Variants in SYNE2 observed in about 807,000 individuals in gnomAD.
SYNE2 encodes the protein spectrin repeat containing nuclear envelope protein 2.
SYNE2 carries 431 observed loss-of-function variants against 856.3 expected under a neutral mutation model. The ratio of observed to expected loss-of-function variants is 0.50; its 90% CI spans 0.47 to 0.55. The LOEUF (loss-of-function observed/expected upper bound fraction) is 0.55, where lower values mean the gene tolerates loss of function less well. Ranked by LOEUF, SYNE2 falls within the 20% of genes least tolerant of loss-of-function variation. The pLI is 0.00. For missense variants in SYNE2, 8,129 were observed against 8,023.2 expected (o/e 1.01, Z -0.50); for synonymous variants, 2,923 against 2,872.3 (o/e 1.02, Z -0.56).
intron 1 of SYNE2, among the ~76,000 whole-genome samples, chr14:63,867,382 A>T (rs1895643772): frequency 4.8e-5 from 2 of 41,956 alleles, no homozygotes; most frequent in African/African-American, 1.0e-4. Context: ...TCCTCCTCTT[A>T]AAAAAAAAAA....
chr14:63,957,431 G>C (rs1427558561), intron 8 of SYNE2, among the ~76,000 whole-genome samples: 1 of 151,704 alleles, frequency 6.6e-6, no homozygotes, highest in African/African-American at 2.4e-5. Flanking sequence ...ACTGTGCCTG[G>C]CTAATTTTTG....
rs116067181 is a variant in SYNE2, at chr14:63,789,445, G to T, written c.-305+27459G>T. Among the ~76,000 whole-genome samples the T allele has an allele frequency of 5.0e-3, 759 of 152,120 alleles. 3 individuals carry two copies. Among genetic ancestry groups the T allele is most frequent in the African/African-American group, 0.018 (730 of 41,492 alleles). ...TTGTTTGCTTTTTCATTCTTTGCAC[G>T]CCTGAAAATATTCCCATTTCCCATC... On this transcript the variant is annotated intron_variant, in intron 1 of 23. Transcript: ENST00000674003.
chr14:63,766,499 C>G (rs1200046801), intron 1 of SYNE2, among the ~76,000 whole-genome samples: 4 of 152,186 alleles, frequency 2.6e-5, no homozygotes, highest in East Asian at 1.9e-4. Flanking sequence ...CTGGTGTCAC[C>G]TGGGGAGCAG....
chr14:64,061,071 A>G (rs2097313176), intron 49 of SYNE2, among the ~76,000 whole-genome samples: 1 of 152,196 alleles, frequency 6.6e-6, no homozygotes, highest in Non-Finnish European at 1.5e-5. Context: ...TTTCAGAGAT[A>G]TGAACTAAAA....
At chr14:64,220,327 G>A (rs1009192303) in intron 110 of SYNE2, 110 bp from the exon 111 acceptor site, 2 of 1,201,996 alleles carry the variant, frequency 1.7e-6, no homozygotes, top group African/African-American at 3.0e-5. Context: ...TCATTTCTGT[G>A]GCCGCAGCTT....
At chr14:63,866,650 T>C (rs1289106890) in intron 1 of SYNE2, among the ~76,000 whole-genome samples, 1 of 152,060 alleles carries the variant, frequency 6.6e-6, no homozygotes, top group Non-Finnish European at 1.5e-5. Context: ...AAATTGTAAG[T>C]TCTGTATTTG....
chr14:63,785,972 C>T lies in SYNE2; in HGVS notation c.-305+23986C>T, dbSNP rs529710684. Among the ~76,000 whole-genome samples, 20 of 152,122 alleles carry T rather than the reference C, an allele frequency of 1.3e-4. No individual in the cohort carries two copies. In the East Asian group the frequency reaches 3.5e-3, roughly 26 times the overall value. On this transcript the variant is annotated intron_variant, in intron 1 of 23. Coordinates refer to the SYNE2 transcript ENST00000674003. ...AAAATTTAAAAATTAGCTGGGCAGCCGGGCGCAGTGGCTCACGCCTGTAAT... is the reference window on the plus strand; with the variant it reads ...AAAATTTAAAAATTAGCTGGGCAGCTGGGCGCAGTGGCTCACGCCTGTAAT...
rs773138684 is a variant in SYNE2 at position 63,991,021 on chromosome 14, A to G, written c.2552A>G (p.Glu851Gly). 4 of 1,614,170 alleles carry G rather than the reference A, an allele frequency of 2.5e-6. No individual in the cohort carries two copies. The highest frequency in any genetic ancestry group is 3.4e-6 in the Non-Finnish European group (4 of 1,179,990). The change falls in exon 21 of 116, where the codon GAA (glutamate) becomes GGA (glycine). Residue 851 changes from glutamate to glycine, a missense_variant. Physicochemically the swap from Glu to Gly is moderately conservative, Grantham distance 98 (BLOSUM62 -2). Coordinates refer to ENST00000555002, the MANE Select transcript of SYNE2 (RefSeq NM_182914.3). Reference sequence around the variant, plus strand: ...GATTTGGACATCAGGCTGAAGATGGAAGAATCCCAGAAGGAACTTGAATCA... The same window carrying G: ...GATTTGGACATCAGGCTGAAGATGGGAGAATCCCAGAAGGAACTTGAATCA... Reference protein sequence around the residue: ...SPDLDIRLKMEESQKELESYM... With the variant: ...SPDLDIRLKMGESQKELESYM...
intron 1 of SYNE2, among the ~76,000 whole-genome samples, chr14:63,856,728 C>T (rs916475608): frequency 6.6e-6 from 1 of 152,114 alleles, no homozygotes; most frequent in Non-Finnish European, 1.5e-5. Context: ...GCCCCCTTTC[C>T]TACTTTCATC....
chr14:64,045,582 C>G (rs2357345), intron 45 of SYNE2, among the ~76,000 whole-genome samples: 118,018 of 152,062 alleles, frequency 0.78, 46,899 homozygotes, highest in Non-Finnish European at 0.87. Context: ...TTTCTTCTTA[C>G]AGCCTTCCTG....
At position 63,941,924 on chromosome 14, in the gene SYNE2, A is replaced by G; in HGVS notation, c.277A>G (p.Asn93Asp). Residue 93 changes from asparagine (N) to aspartate (D), a missense_variant, in exon 5 of 116, where the codon AAT (asparagine) becomes GAT (aspartate). By Grantham distance (23) the Asn-to-Asp change is conservative. Transcript: ENST00000555002. ...ATCTAATACCTTCCAGTGTAGAATC[A>G]ATATAGAACATGCCTTGACATTCCT... ...KGSNTFQCRI[N>D]IEHALTFLRN... is the part of the protein sequence containing the mutation. 6.2e-7 allele frequency: 1 copy of G among 1,613,296 alleles called. No homozygotes were observed. Among genetic ancestry groups the G allele is most frequent in the Non-Finnish European group, 8.5e-7 (1 of 1,179,950 alleles).
rs754278909 is a variant in SYNE2 at position 63,949,971 on chromosome 14, G to T, written c.555G>T (p.Lys185Asn). 1 of 1,614,080 alleles carries T rather than the reference G, an allele frequency of 6.2e-7. No individual in the cohort carries two copies. Among genetic ancestry groups the T allele is most frequent in the Non-Finnish European group, 8.5e-7 (1 of 1,180,006 alleles). The change falls in exon 7 of 116, where the codon AAG (lysine) becomes AAT (asparagine). Residue 185 changes from lysine to asparagine, a missense_variant. Coordinates refer to ENST00000555002, the MANE Select transcript of SYNE2 (RefSeq NM_182914.3). Reference protein sequence around the residue: ...VQARWQMSARKALLLWAQEQC... With the variant: ...VQARWQMSARNALLLWAQEQC... ...CAAGATGGCAAATGTCTGCAAGAAA[G>T]GCCCTTCTTTTGTGGGCTCAGGAAC...
At chr14:64,046,466 C>T (rs939459699) in intron 45 of SYNE2, among the ~76,000 whole-genome samples, 7 of 152,210 alleles carry the variant, frequency 4.6e-5, no homozygotes, top group Non-Finnish European at 5.9e-5. Flanking sequence ...GATCCTCCCA[C>T]CTCAGCCTCC....
chr14:63,983,408 C>T (rs975868504), intron 17 of SYNE2, among the ~76,000 whole-genome samples: 2 of 152,062 alleles, frequency 1.3e-5, no homozygotes, highest in Non-Finnish European at 2.9e-5. Flanking sequence ...GTAGAGCTTT[C>T]TAGTTGAAAT....
In SYNE2 at chr14:63,835,644, A is replaced by G. The variant is rs956348167; in HGVS notation, c.-304-16857A>G. Among the ~76,000 whole-genome samples the G allele has an allele frequency of 2.0e-4, 30 of 152,026 alleles. 1 individual carries two copies. On this transcript the variant is annotated intron_variant, in intron 1 of 23. Transcript: ENST00000674003. ...TAATCTTTGAGATATTCCCATTAGC[A>G]TCAGTGTTTTCTAGTACCTCATTTC...
intron 94 of SYNE2, among the ~76,000 whole-genome samples, chr14:64,172,854 G>A (rs765683909): frequency 2.0e-5 from 3 of 151,866 alleles, no homozygotes; most frequent in Non-Finnish European, 4.4e-5. Context: ...GGTCACACTT[G>A]AGCCCGGGAG....
chr14:64,219,192 G>T lies in SYNE2; in HGVS notation c.19658-16G>T. 6.4e-7 allele frequency: 1 copy of T among 1,574,378 alleles called. No individual in the cohort carries two copies. Among genetic ancestry groups the T allele is most frequent in the Non-Finnish European group, 8.6e-7 (1 of 1,160,292 alleles). On this transcript the variant is annotated splice_polypyrimidine_tract_variant and intron_variant, in intron 109 of 115. Transcript: ENST00000555002. Reference sequence around the variant, plus strand: ...TGCATTATTGCTTTTTTTAATTGGCGATTTTTTAATTCCAGGTGCCTTCGA... The same window carrying T: ...TGCATTATTGCTTTTTTTAATTGGCTATTTTTTAATTCCAGGTGCCTTCGA...
chr14:64,116,091 A>G (rs2097851879), intron 66 of SYNE2, among the ~76,000 whole-genome samples: 7 of 151,808 alleles, frequency 4.6e-5, no homozygotes. Flanking sequence ...ATATCTCTTA[A>G]GCCCAAGAAT....
chr14:64,133,336 TA>T (rs1332911422), intron 77 of SYNE2, among the ~76,000 whole-genome samples: 2 of 152,150 alleles, frequency 1.3e-5, no homozygotes, highest in Non-Finnish European at 2.9e-5. Context: ...TGGTATTTTT[TA>T]AAAAAGACTC....
Sources: gnomAD v4.1 joint callset for allele counts (sites outside exome capture counted in the v4.1 genomes callset) on GRCh38, gnomAD v4.1.1 for gene constraint, MANE v1.5 for transcripts, NCBI Gene and HGNC (gene_info 2026-07-23, HGNC 2026-07-21) for gene names.